The following ACACA variants were observed in gnomAD, a reference collection of about 807,000 sequenced individuals.
ACACA encodes the protein acetyl-CoA carboxylase 1.
Under a neutral mutation model 296.1 loss-of-function variants are expected in ACACA, and 103 were observed. That is an observed-to-expected ratio of 0.35 (90% CI 0.30 to 0.41). ACACA has a LOEUF of 0.41. Among genes scored for constraint, ACACA ranks in the 10% least tolerant of loss-of-function variants. The pLI is 1.00. For missense variants in ACACA, 1,554 were observed against 2,989.7 expected, an observed-to-expected ratio of 0.52 and a Z score of 11.20; for synonymous variants, 953 against 1,038.6, an observed-to-expected ratio of 0.92 and a Z score of 1.58.
chr17:37,393,902 T>C (rs968253262), intron 1 of ACACA, among the ~76,000 whole-genome samples: 8 of 152,204 alleles, frequency 5.3e-5, no homozygotes, highest in African/African-American at 2.4e-5. Context: ...TTATTTTGCT[T>C]TGGGGACAAT....
At chr17:37,377,632 C>T (rs192316679) in intron 1 of ACACA, among the ~76,000 whole-genome samples, 2 of 151,546 alleles carry the variant, frequency 1.3e-5, no homozygotes, top group African/African-American at 4.8e-5. Flanking sequence ...TGCACTCCAT[C>T]CTGGGCGACA....
chr17:37,278,106 C>T (rs769350519), intron 5 of ACACA, 101 bp from the exon 6 acceptor site: 56 of 857,648 alleles, frequency 6.5e-5, no homozygotes, highest in Admixed American at 1.9e-4. Context: ...TCATAAGTAA[C>T]CACAGGACAA....
Position 37,126,313 on chromosome 17 carries a change from A to G in ACACA, c.5945-519T>C, listed in dbSNP as rs149212034. The stretch of plus-strand genomic sequence containing the variant: ...AATAGGAACTCAGTTTCTCCGCTAC[A>G]AAAGCAACAAGATATATCTACTTTA... On this transcript the variant is annotated intron_variant, in intron 47 of 55. Transcript: ENST00000616317. Among the ~76,000 whole-genome samples the G allele has an allele frequency of 3.8e-3, 580 of 152,342 alleles. 3 individuals carry two copies. Among genetic ancestry groups the G allele is most frequent in the East Asian group, 0.032 (165 of 5,188 alleles).
chr17:37,370,667 GTAAATAAA>G (rs372775724), intron 1 of ACACA, among the ~76,000 whole-genome samples: 25 of 148,836 alleles, frequency 1.7e-4, no homozygotes, highest in Middle Eastern at 3.5e-3. Flanking sequence ...CAAAAATAAT[GTAAATAAA>G]TAAATAAATA....
chr17:37,199,874 TA>T (rs1164889269), intron 35 of ACACA, among the ~76,000 whole-genome samples: 1 of 151,806 alleles, frequency 6.6e-6, no homozygotes, highest in Non-Finnish European at 1.5e-5. Flanking sequence ...ATATAAGAAT[TA>T]AAAAAAATTT....
chr17:37,387,218 C>T (rs2050579087), intron 1 of ACACA: 1 of 152,366 alleles, frequency 6.6e-6, no homozygotes, highest in Non-Finnish European at 1.5e-5. Context: ...CTCCTGGGTT[C>T]AAGCAATTCT....
intron 1 of ACACA, among the ~76,000 whole-genome samples, chr17:37,400,110 T>TTTTG (rs1047423090): frequency 2.0e-5 from 3 of 151,896 alleles, no homozygotes; most frequent in Non-Finnish European, 2.9e-5. Flanking sequence ...ATATATATAT[T>TTTTG]TTTGTTTGTT....
intron 54 of ACACA, among the ~76,000 whole-genome samples, chr17:37,092,661 G>C (rs1350646893): frequency 1.3e-5 from 2 of 152,116 alleles, no homozygotes; most frequent in African/African-American, 4.8e-5. Flanking sequence ...GGGCCAAGGA[G>C]TGACCAGGGC....
chr17:37,115,387 G>A (rs531493623), intron 50 of ACACA, among the ~76,000 whole-genome samples: 3 of 151,950 alleles, frequency 2.0e-5, no homozygotes, highest in African/African-American at 7.2e-5. Flanking sequence ...TACAGTCTCC[G>A]AACAAGTAAC....
intron 3 of ACACA, chr17:37,289,374 A>G: frequency 9.3e-7 from 1 of 1,078,330 alleles, no homozygotes; most frequent in Non-Finnish European, 1.3e-6. Flanking sequence ...TACTAATGGT[A>G]TTGAAAGGTA....
chr17:37,328,110 G>A (rs906543172), intron 3 of ACACA, among the ~76,000 whole-genome samples: 5 of 152,122 alleles, frequency 3.3e-5, no homozygotes, highest in African/African-American at 1.2e-4. Flanking sequence ...AACCAACTTT[G>A]TCTGAACTAG....
chr17:37,269,433 C>T (rs2081968468), intron 10 of ACACA, among the ~76,000 whole-genome samples: 1 of 152,126 alleles, frequency 6.6e-6, no homozygotes, highest in African/African-American at 2.4e-5. Flanking sequence ...TCTAGCCTAC[C>T]TCAAATGTGC....
intron 15 of ACACA, among the ~76,000 whole-genome samples, chr17:37,252,541 G>A (rs961200003): frequency 1.3e-5 from 2 of 152,190 alleles, no homozygotes; most frequent in Non-Finnish European, 2.9e-5. Flanking sequence ...AGGAATAAGT[G>A]ATAACTCTTG....
At chr17:37,206,238 T>C (rs2078494935) in intron 32 of ACACA, among the ~76,000 whole-genome samples, 1 of 152,236 alleles carries the variant, frequency 6.6e-6, no homozygotes, top group African/African-American at 2.4e-5. Context: ...ATAAGCCATC[T>C]GGACATGTTC....
chr17:37,325,863 C>T (rs2047596332), intron 3 of ACACA, among the ~76,000 whole-genome samples: 1 of 151,762 alleles, frequency 6.6e-6, no homozygotes, highest in African/African-American at 2.4e-5. Flanking sequence ...CGTGAGCCAC[C>T]ACGCCCAGCC....
chr17:37,344,352 G>A, intron 1 of ACACA, among the ~76,000 whole-genome samples: 1 of 151,894 alleles, frequency 6.6e-6, no homozygotes, highest in South Asian at 2.1e-4. Flanking sequence ...GAGGTCAGGA[G>A]TTCGAGACCA....
chr17:37,317,757 T>G (rs1377637480), intron 3 of ACACA, among the ~76,000 whole-genome samples: 3 of 152,210 alleles, frequency 2.0e-5, no homozygotes, highest in Non-Finnish European at 4.4e-5. Flanking sequence ...GTACCGAGCC[T>G]TACTTACAAC....
At chr17:37,128,657 T>G (rs1567696126) in intron 47 of ACACA, among the ~76,000 whole-genome samples, 1 of 152,228 alleles carries the variant, frequency 6.6e-6, no homozygotes, top group Non-Finnish European at 1.5e-5. Flanking sequence ...GACTGACAAA[T>G]GAGAATGTAC....
At chr17:37,223,742 G>C (rs1598231668) in intron 27 of ACACA, 141 bp from the exon 28 acceptor site, 4 of 691,104 alleles carry the variant, frequency 5.8e-6, no homozygotes, top group East Asian at 5.4e-5. Flanking sequence ...TCAGCTTCCT[G>C]AGCTACAAAA....
Sources: gnomAD v4.1 joint callset for allele counts (sites outside exome capture counted in the v4.1 genomes callset) on GRCh38, gnomAD v4.1.1 for gene constraint, MANE v1.5 for transcripts, NCBI Gene and HGNC (gene_info 2026-07-23, HGNC 2026-07-21) for gene names.